The following IPO11 variants were observed in gnomAD, a reference collection of about 807,000 sequenced individuals.
IPO11 encodes importin 11, also known as importin-11.
Under a neutral mutation model 143.2 loss-of-function variants are expected in IPO11, and 66 were observed. The observed-to-expected ratio is 0.46, with a 90% CI of 0.38 to 0.57. The LOEUF (loss-of-function observed/expected upper bound fraction) is 0.57. Among genes scored for constraint, IPO11 ranks in the 20% least tolerant of loss-of-function variants. The pLI, the probability that IPO11 is intolerant of heterozygous loss-of-function variation, is 0.00. For missense variants in IPO11, 1,026 were observed against 1,141.0 expected (o/e 0.90, Z 1.45); for synonymous variants, 385 against 377.8 (o/e 1.02, Z -0.22).
At chr5:62,505,178 A>G (rs1741513086) in intron 18 of IPO11, among the ~76,000 whole-genome samples, 1 of 151,888 alleles carries the variant, frequency 6.6e-6, no homozygotes, top group African/African-American at 2.4e-5. Context: ...ATTGAAAAAC[A>G]TCTAGTATCT....
chr5:62,546,780 A>G (rs1000175971), intron 24 of IPO11, among the ~76,000 whole-genome samples: 2 of 152,196 alleles, frequency 1.3e-5, no homozygotes, highest in Admixed American at 1.3e-4. Context: ...TGTGCATTCC[A>G]TTAAAAAGAA....
At chr5:62,484,292 A>T in intron 11 of IPO11, 130 bp downstream of exon 11, 1 of 713,340 alleles carries the variant, frequency 1.4e-6, no homozygotes, top group Non-Finnish European at 2.1e-6. Context: ...TTTAAAATTA[A>T]CTTACTCTTT....
chr5:62,476,991 T>G (rs1219912019), intron 9 of IPO11, among the ~76,000 whole-genome samples: 2 of 152,208 alleles, frequency 1.3e-5, no homozygotes, highest in Non-Finnish European at 2.9e-5. Flanking sequence ...TAAATTCTAA[T>G]AAATATTAGA....
chr5:62,459,095 CT>C (rs1331227697), intron 5 of IPO11, among the ~76,000 whole-genome samples: 9 of 148,008 alleles, frequency 6.1e-5, no homozygotes, highest in Middle Eastern at 3.5e-3. Context: ...TAGTTTTACT[CT>C]TTTTTTTTTG....
intron 27 of IPO11, among the ~76,000 whole-genome samples, chr5:62,584,720 A>G (rs1462597090): frequency 2.0e-5 from 3 of 149,636 alleles, no homozygotes; most frequent in Non-Finnish European, 3.0e-5. Flanking sequence ...TGTCTGAAGC[A>G]TAGCTTTTTT....
chr5:62,543,568 TTC>T, intron 24 of IPO11, among the ~76,000 whole-genome samples: 1 of 152,342 alleles, frequency 6.6e-6, no homozygotes, highest in African/African-American at 2.4e-5. Context: ...TGTTTGATTC[TTC>T]TCTCTTTTCT....
chr5:62,494,287 G>A (rs1475791103), intron 16 of IPO11, among the ~76,000 whole-genome samples, 163 bp downstream of exon 16: 2 of 151,694 alleles, frequency 1.3e-5, no homozygotes, highest in Non-Finnish European at 2.9e-5. Context: ...AAAATCTTTT[G>A]ATTCTTGTTT....
Position 62,627,236 on chromosome 5 carries a change from G to A in IPO11, c.2846G>A (p.Gly949Glu). ...CTCAAGGCACAGCAGGAGATGCTAG[G>A]AGAACAAGGTTTCCAGTCCCTCATG... ...EKLKAQQEML[G>E]EQGFQSLMET... Residue 949 changes from glycine to glutamate, a missense_variant, in exon 30 of 30, where the codon GGA becomes GAA. This residue lies in a region of IPO11 where 351 missense variants were observed against 358.9 expected (regional missense o/e 0.98). Coordinates refer to ENST00000325324, the MANE Select transcript of IPO11 (RefSeq NM_016338.5). The A allele has an allele frequency of 6.2e-7, 1 of 1,614,122 alleles. No homozygotes were observed. The highest frequency in any genetic ancestry group is 8.5e-7 in the Non-Finnish European group (1 of 1,180,000).
At chr5:62,596,917 T>C (rs1419220955) in intron 28 of IPO11, among the ~76,000 whole-genome samples, 1 of 152,228 alleles carries the variant, frequency 6.6e-6, no homozygotes, top group African/African-American at 2.4e-5. Flanking sequence ...ACTTATGGCT[T>C]GACTAATAAT....
intron 1 of IPO11, among the ~76,000 whole-genome samples, chr5:62,430,101 G>A (rs757066897): frequency 6.6e-6 from 1 of 152,134 alleles, no homozygotes; most frequent in Non-Finnish European, 1.5e-5. Context: ...ATGGATATTT[G>A]AGTTGTCAGT....
chr5:62,502,761 G>T (rs886138658), intron 16 of IPO11, among the ~76,000 whole-genome samples: 1 of 152,084 alleles, frequency 6.6e-6, no homozygotes, highest in Admixed American at 6.6e-5. Context: ...AGAGAATTAA[G>T]GGTTAGTGTG....
At position 62,476,689 on chromosome 5, in the gene IPO11, G is replaced by A; in HGVS notation, c.764G>A (p.Ser255Asn). ...RLKQFLECSR[S>N]IGTDNVCRDR... ...TGAAATGTATTTTTAACAGGTAGAA[G>A]TATAGGTACAGATAATGTGTGTAGA... The change falls in exon 9 of 30, where the codon AGT (serine) becomes AAT (asparagine). Residue 255 changes from serine to asparagine, a missense_variant. Physicochemically the swap from Ser to Asn is conservative, Grantham distance 46. Around this residue, in one of 5 missense-constraint regions of IPO11, gnomAD observed 429 missense variants for 456.3 expected, o/e 0.94. Transcript: ENST00000325324. 6.6e-7 allele frequency: 1 copy of A among 1,518,326 alleles called. No individual in the cohort carries two copies. Among genetic ancestry groups the A allele is most frequent in the Non-Finnish European group, 8.8e-7 (1 of 1,130,468 alleles). 94.1% of individuals were successfully genotyped at this position (1,518,326 alleles called of 1,614,324 possible). A position where few individuals can be genotyped will look rare whatever the true frequency, so the allele number is the denominator to read the frequency against.
chr5:62,580,790 A>C, intron 27 of IPO11: 1 of 1,551,454 alleles, frequency 6.4e-7, no homozygotes, highest in South Asian at 1.2e-5. Flanking sequence ...GAGACTGAGA[A>C]CATTACTTTC....
rs1390315493 is a variant in IPO11, at chr5:62,490,196, C to A, written c.1439C>A (p.Pro480Gln). ...FDQWFKNQLL[P>Q]ELQVIHNRYK... The stretch of plus-strand genomic sequence containing the variant: ...CAGTGGTTTAAAAACCAGCTTCTTC[C>A]AGAATTACAAGTCATTCACAATAGG... Residue 480 changes from proline to glutamine, a missense_variant, in exon 15 of 30, where the codon CCA becomes CAA. Physicochemically the swap from Pro to Gln is moderately conservative, Grantham distance 76 (BLOSUM62 -1). Around this residue, in one of 5 missense-constraint regions of IPO11, gnomAD observed 237 missense variants for 288.0 expected, o/e 0.82. Coordinates refer to ENST00000325324, the MANE Select transcript of IPO11 (RefSeq NM_016338.5). 2 of 1,602,256 alleles carry A rather than the reference C, an allele frequency of 1.2e-6. No individual in the cohort carries two copies. Among genetic ancestry groups the A allele is most frequent in the Non-Finnish European group, 1.7e-6 (2 of 1,174,256 alleles).
At chr5:62,584,251 A>G (rs1744673226) in intron 27 of IPO11, among the ~76,000 whole-genome samples, 1 of 151,966 alleles carries the variant, frequency 6.6e-6, no homozygotes, top group Non-Finnish European at 1.5e-5. Flanking sequence ...GTGTCAAGCT[A>G]TTGATGAGGG....
intron 16 of IPO11, among the ~76,000 whole-genome samples, chr5:62,502,306 C>G (rs1353917903): frequency 1.3e-5 from 2 of 152,174 alleles, no homozygotes; most frequent in Non-Finnish European, 2.9e-5. Context: ...TTCTACCAGT[C>G]TTCTAGCACA....
Position 62,470,289 on chromosome 5 carries a change from A to G in IPO11, c.689A>G (p.His230Arg), listed in dbSNP as rs1334425083. ...KLTVNGFVEP[H>R]KNMEVMGFLH... ...ACTGTTAATGGATTTGTGGAACCTCATAAGAATATGGAGGTGATGGTAAGT... is the reference window on the plus strand; with the variant it reads ...ACTGTTAATGGATTTGTGGAACCTCGTAAGAATATGGAGGTGATGGTAAGT... Residue 230 changes from histidine to arginine, a missense_variant, in exon 7 of 30, where the codon CAT (histidine) becomes CGT (arginine). Physicochemically the swap from His to Arg is conservative, Grantham distance 29. This residue lies in a region of IPO11 where 429 missense variants were observed against 456.3 expected (regional missense o/e 0.94). Transcript: ENST00000325324. The G allele has an allele frequency of 1.2e-6, 2 of 1,613,802 alleles. No individual in the cohort carries two copies. The highest frequency in any genetic ancestry group is 1.1e-5 in the South Asian group (1 of 91,060).
intron 29 of IPO11, among the ~76,000 whole-genome samples, chr5:62,610,888 T>C (rs1745903100): frequency 6.6e-6 from 1 of 152,172 alleles, no homozygotes; most frequent in Non-Finnish European, 1.5e-5. Context: ...CAACAGTACA[T>C]ACATAGTATT....
At position 62,449,984 on chromosome 5, in the gene IPO11, T is replaced by G; in HGVS notation, c.297T>G (p.Asn99Lys). 6.3e-7 allele frequency: 1 copy of G among 1,599,222 alleles called. No homozygotes were observed. Among genetic ancestry groups the G allele is most frequent in the East Asian group, 2.3e-5 (1 of 44,314 alleles). ...GTGCAGGGCTCATCACCAACTTCAATGAACCAATAAACCAGGTTAGTGAGA... is the reference window on the plus strand; with the variant it reads ...GTGCAGGGCTCATCACCAACTTCAAGGAACCAATAAACCAGGTTAGTGAGA... ...TLRAGLITNFNEPINQIATQI... is the reference protein window; with the variant it reads ...TLRAGLITNFKEPINQIATQI... The change falls in exon 4 of 30, where the codon AAT becomes AAG. Residue 99 changes from asparagine to lysine, a missense_variant. Around this residue, in one of 5 missense-constraint regions of IPO11, gnomAD observed 429 missense variants for 456.3 expected, o/e 0.94. Coordinates refer to ENST00000325324, the MANE Select transcript of IPO11 (RefSeq NM_016338.5).
Sources: allele counts gnomAD v4.1 joint callset (sites outside exome capture counted in the v4.1 genomes callset), GRCh38; gene constraint gnomAD v4.1.1; regional missense constraint gnomAD v4.1.1; transcripts MANE v1.5; gene names NCBI Gene and HGNC (gene_info 2026-07-23, HGNC 2026-07-21).